Variants in MGAM observed in about 807,000 individuals in gnomAD.
MGAM encodes the protein alpha-1,4-glucosidase.
A neutral mutation model predicts 358.8 loss-of-function variants in MGAM; 253 were observed. The observed-to-expected ratio is 0.71, with a 90% confidence interval of 0.64 to 0.78. The LOEUF is 0.78. MGAM is among the 30% of genes least tolerant of loss of function. The pLI, the probability that MGAM is intolerant of heterozygous loss-of-function variation, is 0.00. For synonymous variants in MGAM, 1,105 were observed against 1,227.1 expected (o/e 0.90, Z 2.08); for missense variants, 3,080 against 3,432.6 (o/e 0.90, Z 2.57).
At chr7:142,044,303 T>C (rs1476019262) in intron 21 of MGAM, among the ~76,000 whole-genome samples, 1 of 138,664 alleles carries the variant, frequency 7.2e-6, no homozygotes, top group Non-Finnish European at 1.5e-5. Flanking sequence ...ATATATACTA[T>C]ATATAATATA....
chr7:142,088,776 TCTATCTATCTA>T lies in MGAM; in HGVS notation c.6810+2060_6810+2070del, dbSNP rs1815037639. 1.5e-5 allele frequency among the ~76,000 whole-genome samples: 2 copies of T among 134,296 alleles called. 1 individual carries two copies. The highest frequency in any genetic ancestry group is 3.3e-5 in the Non-Finnish European group (2 of 59,930). The allele number at this position is 134,296 out of a possible 152,430, so 88.1% of individuals were successfully genotyped here. On this transcript the variant is annotated intron_variant, in intron 57 of 70. Transcript: ENST00000475668. ...ATCTATCTATCTATCTATCTATCTA[TCTATCTATCTA>T]TCTATCTATCTATCATTCTATCCTA... is the stretch of plus-strand genomic sequence containing the variant.
At chr7:142,044,582 A>T (rs1357505409) in intron 21 of MGAM, among the ~76,000 whole-genome samples, 5 of 132,870 alleles carry the variant, frequency 3.8e-5, no homozygotes, top group Admixed American at 8.8e-5. Context: ...TATGATATAT[A>T]ATGTATATTA....
At chr7:142,058,536 T>C (rs1811784379) in intron 31 of MGAM, among the ~76,000 whole-genome samples, 1 of 152,242 alleles carries the variant, frequency 6.6e-6, no homozygotes, top group African/African-American at 2.4e-5. Context: ...CCAGCATGAC[T>C]CGCCAGAGTG....
intron 18 of MGAM, 89 bp from the exon 19 acceptor site, chr7:142,038,442 T>C (rs1808199644): frequency 9.9e-7 from 1 of 1,013,630 alleles, no homozygotes; most frequent in Non-Finnish European, 1.5e-6. Context: ...ACGGCCTGCA[T>C]GCTTTCAACA....
chr7:141,998,661 G>A (rs782732594), intron 1 of MGAM, among the ~76,000 whole-genome samples: 3 of 152,130 alleles, frequency 2.0e-5, no homozygotes, highest in East Asian at 1.9e-4. Context: ...TATCATTGAT[G>A]GGCATTTGGG....
Position 142,083,196 on chromosome 7 carries a change from A to C in MGAM, c.6269-105A>C, listed in dbSNP as rs1324259184. 4 of 868,274 alleles carry C rather than the reference A, an allele frequency of 4.6e-6. No individual in the cohort carries two copies. The African/African-American group carries it at 4.8e-5, about 11-fold the overall frequency. The allele number at this position is 868,274 out of a possible 1,614,324, so 53.8% of individuals were successfully genotyped here. On this transcript the variant is annotated intron_variant, in intron 52 of 70. Coordinates refer to ENST00000475668, the MANE Select transcript of MGAM (RefSeq NM_001365693.1). ...ATGATAGAAAATACTGGCTCTTACT[A>C]CTCTACGATAGGGAGGGTGCAGGAA...
chr7:142,074,071 C>G lies in MGAM; in HGVS notation c.5187-14C>G. ...TGACTCCTGTCTTTGTCTCTTGAAT[C>G]TTGTTCCCCACAGTCGAAAGAACCC... On this transcript the variant is annotated splice_polypyrimidine_tract_variant and intron_variant, in intron 44 of 70. Transcript: ENST00000475668. 1 of 1,506,174 alleles carries G rather than the reference C, an allele frequency of 6.6e-7. No individual in the cohort carries two copies. Among genetic ancestry groups the G allele is most frequent in the Non-Finnish European group, 9.2e-7 (1 of 1,091,570 alleles). The allele number at this position is 1,506,174 out of a possible 1,614,324, so 93.3% of individuals were successfully genotyped here. A position where few individuals can be genotyped will look rare whatever the true frequency, so the allele number is the denominator to read the frequency against.
chr7:142,052,191 T>G, intron 24 of MGAM, 103 bp from the exon 25 acceptor site: 4 of 978,764 alleles, frequency 4.1e-6, no homozygotes, highest in East Asian at 2.6e-5. Context: ...TGTTTGAAAG[T>G]CTGGTCTAAT....
In MGAM at chr7:142,021,099, T is replaced by C. The variant is rs1806412484; in HGVS notation, c.558+16T>C. 1 of 1,492,398 alleles carries C rather than the reference T, an allele frequency of 6.7e-7. No individual in the cohort carries two copies. The highest frequency in any genetic ancestry group is 9.1e-7 in the Non-Finnish European group (1 of 1,096,786). The allele number at this position is 1,492,398 out of a possible 1,614,324, so 92.4% of individuals were successfully genotyped here. On this transcript the variant is annotated intron_variant, in intron 5 of 70. Coordinates refer to ENST00000475668, the MANE Select transcript of MGAM (RefSeq NM_001365693.1). Reference sequence around the variant, plus strand: ...CCACTTTAAGGTTGTAATTTGTTTATTTTTTTTTAAGTTTTTTTGAGAGAC... The same window carrying C: ...CCACTTTAAGGTTGTAATTTGTTTACTTTTTTTTAAGTTTTTTTGAGAGAC...
At chr7:142,020,713 C>T (rs1245282822) in intron 4 of MGAM, among the ~76,000 whole-genome samples, 1 of 151,134 alleles carries the variant, frequency 6.6e-6, no homozygotes, top group Non-Finnish European at 1.5e-5. Flanking sequence ...AATTCTCCTG[C>T]CTACAAAGTA....
chr7:142,041,948 ACATATATATAATATATATATATT>A (rs1808706276), intron 21 of MGAM, among the ~76,000 whole-genome samples: 4 of 14,908 alleles, frequency 2.7e-4, no homozygotes, highest in African/African-American at 7.6e-4. Context: ...TTATATATAT[ACATATATATAATATATATATATT>A]ATATATATAT....
chr7:142,029,674 G>A (rs562007558), intron 10 of MGAM, among the ~76,000 whole-genome samples: 1 of 152,156 alleles, frequency 6.6e-6, no homozygotes, highest in African/African-American at 2.4e-5. Flanking sequence ...GTATGGACAT[G>A]TAATAAAACA....
chr7:141,995,841 T>G (rs1423031008), upstream of MGAM: 2 of 152,210 alleles, frequency 1.3e-5, 1 homozygote, highest in Admixed American at 1.3e-4. Context: ...AGTTACCAGA[T>G]CTTTGGTTGC....
intron 67 of MGAM, 118 bp from the exon 68 acceptor site, chr7:142,100,684 G>A: frequency 1.2e-6 from 1 of 814,214 alleles, no homozygotes; most frequent in Non-Finnish European, 2.1e-6. Context: ...TTGAATTCTA[G>A]TATGCAGTCT....
At chr7:142,071,576 T>C (rs7785237) in intron 44 of MGAM, among the ~76,000 whole-genome samples, 14,084 of 146,198 alleles carry the variant, frequency 0.096, 2,098 homozygotes, top group African/African-American at 0.23. Flanking sequence ...AGAACTCTCC[T>C]CTCTTGAGAT....
rs1217383023 is a variant in MGAM at position 142,082,549 on chromosome 7, C to T, written c.6246C>T (p.Leu2082=). The T allele has an allele frequency of 4.6e-6, 7 of 1,525,586 alleles. 1 individual carries two copies. Among genetic ancestry groups the T allele is most frequent in the East Asian group, 2.4e-5 (1 of 42,552 alleles). The allele number at this position is 1,525,586 out of a possible 1,614,324, so 94.5% of individuals were successfully genotyped here. A position where few individuals can be genotyped will look rare whatever the true frequency, so the allele number is the denominator to read the frequency against. ...AGGATGGCAGTGCCCATGGAGTGCT[C>T]CTGCTGAACAGCAATGCCATGGGTA... ...LEEDGSAHGV[L]LLNSNAMDVT... Residue 2082 remains leucine, a synonymous_variant, in exon 52 of 71, where the codon CTC becomes CTT. Coordinates refer to ENST00000475668, the MANE Select transcript of MGAM (RefSeq NM_001365693.1).
At chr7:142,098,835 A>T (rs1420148125) in intron 66 of MGAM, among the ~76,000 whole-genome samples, 1 of 152,214 alleles carries the variant, frequency 6.6e-6, no homozygotes, top group Non-Finnish European at 1.5e-5. Flanking sequence ...TTAGAAAAAG[A>T]TGAAATTTTG....
intron 29 of MGAM, among the ~76,000 whole-genome samples, chr7:142,056,389 T>G (rs1196757651): frequency 6.6e-6 from 1 of 152,138 alleles, no homozygotes; most frequent in East Asian, 1.9e-4. Flanking sequence ...ATAATTTGAA[T>G]TAGGGTAAAA....
Position 142,056,956 on chromosome 7 carries a change from C to G in MGAM, c.3693+14C>G, listed in dbSNP as rs1811611972. 1 of 1,612,010 alleles carries G rather than the reference C, an allele frequency of 6.2e-7. No individual in the cohort carries two copies. The highest frequency in any genetic ancestry group is 8.5e-7 in the Non-Finnish European group (1 of 1,178,556). On this transcript the variant is annotated intron_variant, in intron 30 of 70. Transcript: ENST00000475668. Reference sequence around the variant, plus strand: ...CAGTACACTGAGGTAGGGGGAAATCCAATTGTTTATCAAGTACTTACACAG... The same window carrying G: ...CAGTACACTGAGGTAGGGGGAAATCGAATTGTTTATCAAGTACTTACACAG...
Sources: gnomAD v4.1 joint callset for allele counts (sites outside exome capture counted in the v4.1 genomes callset) on GRCh38, gnomAD v4.1.1 for gene constraint, MANE v1.5 for transcripts, NCBI Gene and HGNC (gene_info 2026-07-23, HGNC 2026-07-21) for gene names.